Variants in UGT1A7 observed in about 807,000 individuals in gnomAD.
UGT1A7 encodes UDP-glucuronosyltransferase 1A7.
UGT1A7 carries 33 observed loss-of-function variants against 45.6 expected under a neutral mutation model. The ratio of observed to expected loss-of-function variants is 0.72; its 90% confidence interval spans 0.55 to 0.97. UGT1A7 has a LOEUF of 0.97. Among genes scored for constraint, UGT1A7 ranks in the 50% least tolerant of loss-of-function variants. The pLI, the probability that UGT1A7 is intolerant of heterozygous loss-of-function variation, is 0.00. For synonymous variants in UGT1A7, 274 were observed against 250.6 expected (o/e 1.09, Z -0.88); for missense variants, 684 against 666.2 (o/e 1.03, Z -0.29).
intron 1 of UGT1A7, among the ~76,000 whole-genome samples, chr2:233,696,635 G>A (rs2075353037): frequency 6.6e-6 from 1 of 151,978 alleles, no homozygotes; most frequent in African/African-American, 2.4e-5. Flanking sequence ...TTGCTTAATT[G>A]CTTTGGATAG....
chr2:233,739,341 C>T (rs1254802049), intron 1 of UGT1A7, among the ~76,000 whole-genome samples: 1 of 152,148 alleles, frequency 6.6e-6, no homozygotes, highest in Non-Finnish European at 1.5e-5. Flanking sequence ...TCCTTCAGAA[C>T]CCAGAAGGGC....
chr2:233,703,131 T>C (rs189915613), intron 1 of UGT1A7, among the ~76,000 whole-genome samples: 2 of 152,336 alleles, frequency 1.3e-5, no homozygotes, highest in East Asian at 1.9e-4. Flanking sequence ...TTACCTGTTA[T>C]GGCTTTATTT....
At chr2:233,725,746 A>G (rs561123272) in intron 1 of UGT1A7, among the ~76,000 whole-genome samples, 3 of 152,340 alleles carry the variant, frequency 2.0e-5, no homozygotes, top group African/African-American at 7.2e-5. Context: ...AAACATTGTA[A>G]GAGACTTACA....
intron 1 of UGT1A7, among the ~76,000 whole-genome samples, chr2:233,737,582 C>T (rs532884650): frequency 6.6e-6 from 1 of 152,312 alleles, no homozygotes; most frequent in Non-Finnish European, 1.5e-5. Context: ...CAACCAGTCC[C>T]AATGAGATGA....
chr2:233,761,695 G>T (rs1292253541), intron 1 of UGT1A7, among the ~76,000 whole-genome samples: 1 of 152,240 alleles, frequency 6.6e-6, no homozygotes, highest in East Asian at 1.9e-4. Flanking sequence ...ATACAGAAAG[G>T]TTGTAGGTTT....
intron 1 of UGT1A7, chr2:233,754,742 G>A: frequency 1.4e-6 from 1 of 717,428 alleles, no homozygotes; most frequent in Non-Finnish European, 2.2e-6. Context: ...CGTAGGACAT[G>A]CAGAAGGAAG....
Position 233,729,464 on chromosome 2 carries a change from G to C in UGT1A7, c.856-37570G>C, listed in dbSNP as rs146268573. ...CATTTTCTGAAGAAATTTTTCAGAA[G>C]TATGGCAATGTTGAACAATATGTCT... On this transcript the variant is annotated intron_variant, in intron 1 of 4. Coordinates refer to ENST00000373426, the MANE Select transcript of UGT1A7 (RefSeq NM_019077.3). 178 of 1,614,158 alleles carry C rather than the reference G, an allele frequency of 1.1e-4. 1 individual carries two copies. In the African/African-American group the frequency reaches 2.0e-3, roughly 18 times the overall value.
At chr2:233,724,348 C>A (rs1263010840) in intron 1 of UGT1A7, among the ~76,000 whole-genome samples, 27 of 144,638 alleles carry the variant, frequency 1.9e-4, no homozygotes, top group Non-Finnish European at 2.3e-4. Context: ...TGACCCCCCC[C>A]ACCTCCCTCC....
At chr2:233,757,539 T>TATATACATATACATAC (rs762018928) in intron 1 of UGT1A7, among the ~76,000 whole-genome samples, 3 of 115,748 alleles carry the variant, frequency 2.6e-5, no homozygotes, top group Admixed American at 2.5e-4. Context: ...GTAAGGAATA[T>TATATACATATACATAC]ATATATATAT....
rs776227074 is a variant in UGT1A7, at chr2:233,767,898, C to T, written c.1037C>T (p.Thr346Met). 11 of 1,614,034 alleles carry T rather than the reference C, an allele frequency of 6.8e-6. No homozygotes were observed. Among genetic ancestry groups the T allele is most frequent in the East Asian group, 4.5e-5 (2 of 44,894 alleles). ...GTRPSNLANN[T>M]ILVKWLPQND... Reference sequence around the variant, plus strand: ...CGACCATCGAATCTTGCGAACAACACGATACTTGTTAAGTGGCTACCCCAA... The same window carrying T: ...CGACCATCGAATCTTGCGAACAACATGATACTTGTTAAGTGGCTACCCCAA... Residue 346 changes from threonine (T) to methionine (M), a missense_variant, in exon 3 of 5, where the codon ACG (threonine) becomes ATG (methionine). Transcript: ENST00000373426.
chr2:233,753,302 G>A (rs17862878), intron 1 of UGT1A7: 18,739 of 152,254 alleles, frequency 0.12, 1,732 homozygotes, highest in African/African-American at 0.24. Flanking sequence ...GTGAGACCCC[G>A]TGTGCCCCTG....
intron 1 of UGT1A7, among the ~76,000 whole-genome samples, chr2:233,688,187 G>A (rs947361033): frequency 3.3e-5 from 5 of 152,142 alleles, no homozygotes; most frequent in African/African-American, 9.7e-5. Flanking sequence ...AAGCCTTTAT[G>A]ACCGGCTTCT....
chr2:233,734,986 T>C (rs946842672), intron 1 of UGT1A7, among the ~76,000 whole-genome samples: 1 of 152,248 alleles, frequency 6.6e-6, no homozygotes, highest in Non-Finnish European at 1.5e-5. Context: ...AGAATGTATA[T>C]TCTCTTGACT....
chr2:233,745,526 T>C (rs1383340744), intron 1 of UGT1A7, among the ~76,000 whole-genome samples: 1 of 151,838 alleles, frequency 6.6e-6, no homozygotes, highest in Admixed American at 6.5e-5. Flanking sequence ...CTAATGGGGA[T>C]GTGTTATGTC....
In UGT1A7 at chr2:233,724,604, G is replaced by C. The variant is rs1340979109; in HGVS notation, c.855+41812G>C. Among the ~76,000 whole-genome samples the C allele has an allele frequency of 2.3e-5, 3 of 132,728 alleles. 1 individual carries two copies. Among genetic ancestry groups the C allele is most frequent in the Non-Finnish European group, 4.8e-5 (3 of 62,762 alleles). 87.1% of individuals were successfully genotyped at this position (132,728 alleles called of 152,430 possible). On this transcript the variant is annotated intron_variant, in intron 1 of 4. Transcript: ENST00000373426. ...GCTCCCCACATCTCAGACGATGGGCGGCCGGGCAGAGACGCTCCTCACTTC... is the reference window on the plus strand; with the variant it reads ...GCTCCCCACATCTCAGACGATGGGCCGCCGGGCAGAGACGCTCCTCACTTC...
chr2:233,761,361 C>A (rs1202698678), intron 1 of UGT1A7, among the ~76,000 whole-genome samples: 1 of 152,198 alleles, frequency 6.6e-6, no homozygotes, highest in Non-Finnish European at 1.5e-5. Context: ...GGAAAGCATT[C>A]CTTGGACATT....
chr2:233,765,829 A>G (rs1183192876), intron 1 of UGT1A7, among the ~76,000 whole-genome samples: 1 of 152,104 alleles, frequency 6.6e-6, no homozygotes, highest in East Asian at 1.9e-4. Flanking sequence ...TGAAACAGGA[A>G]AACTTTCCTT....
chr2:233,714,260 AC>A (rs1294161130), intron 1 of UGT1A7, among the ~76,000 whole-genome samples: 1 of 152,230 alleles, frequency 6.6e-6, no homozygotes, highest in Non-Finnish European at 1.5e-5. Flanking sequence ...ATAGAAATTT[AC>A]AATTGTTGAC....
At chr2:233,737,647 C>G (rs1413488043) in intron 1 of UGT1A7, among the ~76,000 whole-genome samples, 1 of 152,204 alleles carries the variant, frequency 6.6e-6, no homozygotes, top group Non-Finnish European at 1.5e-5. Flanking sequence ...GTCGATCATG[C>G]TGGGAGCTGC....
Sources: gnomAD v4.1 joint callset for allele counts (sites outside exome capture counted in the v4.1 genomes callset) on GRCh38, gnomAD v4.1.1 for gene constraint, MANE v1.5 for transcripts, NCBI Gene and HGNC (gene_info 2026-07-23, HGNC 2026-07-21) for gene names.